The following CNTNAP2 variants were observed in gnomAD, a reference collection of about 807,000 sequenced individuals.
CNTNAP2 encodes the protein contactin-associated protein-like 2.
In CNTNAP2, 98 loss-of-function variants were observed where a neutral mutation model predicts 155.2. The observed-to-expected ratio is 0.63, with a 90% CI of 0.54 to 0.75. The LOEUF is 0.75. Among genes scored for constraint, CNTNAP2 ranks in the 30% least tolerant of loss-of-function variants. The pLI, the probability that CNTNAP2 is intolerant of heterozygous loss-of-function variation, is 0.00. For synonymous variants in CNTNAP2, 651 were observed against 631.2 expected, an observed-to-expected ratio of 1.03 and a Z score of -0.47; for missense variants, 1,727 against 1,688.1, an observed-to-expected ratio of 1.02 and a Z score of -0.40.
intron 1 of CNTNAP2, among the ~76,000 whole-genome samples, chr7:146,316,708 T>G (rs1800912102): frequency 6.6e-6 from 1 of 152,202 alleles, no homozygotes; most frequent in Non-Finnish European, 1.5e-5. Context: ...GTTTTCTATT[T>G]ATAACTGTGT....
chr7:147,080,984 TTAAA>T (rs1197217808), intron 4 of CNTNAP2: 1 of 152,150 alleles, frequency 6.6e-6, no homozygotes, highest in African/African-American at 2.4e-5. Flanking sequence ...AAATATACAC[TTAAA>T]TTTTATTTCA....
At chr7:148,175,506 C>T (rs1250768932) in intron 18 of CNTNAP2, among the ~76,000 whole-genome samples, 1 of 152,104 alleles carries the variant, frequency 6.6e-6, no homozygotes, top group Non-Finnish European at 1.5e-5. Flanking sequence ...TTTAACAATG[C>T]ATTTGTTAAA....
chr7:147,832,576 T>C (rs1388308108), intron 13 of CNTNAP2, among the ~76,000 whole-genome samples: 1 of 145,816 alleles, frequency 6.9e-6, no homozygotes, highest in African/African-American at 2.5e-5. Context: ...TATATTGAAA[T>C]ATATTGAAAT....
chr7:148,230,268 C>A (rs1484702546), intron 20 of CNTNAP2, among the ~76,000 whole-genome samples: 1 of 152,228 alleles, frequency 6.6e-6, no homozygotes, highest in East Asian at 1.9e-4. Flanking sequence ...GAATCTCAGA[C>A]TCTGACTGTG....
intron 11 of CNTNAP2, among the ~76,000 whole-genome samples, chr7:147,498,662 TAGATG>T (rs1798755095): frequency 6.6e-6 from 1 of 152,218 alleles, no homozygotes; most frequent in Non-Finnish European, 1.5e-5. Context: ...TTTATACATA[TAGATG>T]AGATATTGAA....
chr7:146,266,906 T>A (rs1463885535), intron 1 of CNTNAP2, among the ~76,000 whole-genome samples: 1 of 146,802 alleles, frequency 6.8e-6, no homozygotes, highest in Non-Finnish European at 1.5e-5. Flanking sequence ...TTTTTTTTTT[T>A]AGTTGGGTGT....
intron 1 of CNTNAP2, among the ~76,000 whole-genome samples, chr7:146,662,156 G>A (rs1414853945): frequency 6.7e-6 from 1 of 148,884 alleles, no homozygotes; most frequent in Non-Finnish European, 1.5e-5. Context: ...TTTTTTTTTA[G>A]ACGGAGTCTT....
chr7:148,219,975 CTAGGAAATGCACTGTT>C (rs1268427872), intron 19 of CNTNAP2, among the ~76,000 whole-genome samples: 2 of 152,222 alleles, frequency 1.3e-5, no homozygotes, highest in Non-Finnish European at 2.9e-5. Flanking sequence ...AACTCCCTCT[CTAGGAAATGCACTGTT>C]GCTTAAAAAG....
intron 4 of CNTNAP2, among the ~76,000 whole-genome samples, chr7:147,105,788 A>G (rs1444478770): frequency 6.6e-6 from 1 of 152,018 alleles, no homozygotes; most frequent in Non-Finnish European, 1.5e-5. Context: ...AAATATGTTG[A>G]AACTTTTTCT....
At chr7:147,087,713 A>G (rs1483122310) in intron 4 of CNTNAP2, among the ~76,000 whole-genome samples, 1 of 152,302 alleles carries the variant, frequency 6.6e-6, no homozygotes, top group East Asian at 1.9e-4. Flanking sequence ...ATGGTGGCTC[A>G]TGCCTGTAAT....
intron 15 of CNTNAP2, among the ~76,000 whole-genome samples, chr7:148,053,066 C>G (rs1802925564): frequency 6.6e-6 from 1 of 151,720 alleles, no homozygotes; most frequent in South Asian, 2.1e-4. Context: ...AGAAACATCA[C>G]CTAAAAAAAA....
At chr7:147,379,794 T>C (rs1796502953) in intron 9 of CNTNAP2, among the ~76,000 whole-genome samples, 1 of 152,028 alleles carries the variant, frequency 6.6e-6, no homozygotes, top group Non-Finnish European at 1.5e-5. Flanking sequence ...TTTGCACAGG[T>C]CTATTACTTG....
At position 146,616,662 on chromosome 7, in the gene CNTNAP2, C is replaced by T. The variant is rs571008617; in HGVS notation, c.98-157609C>T. Among the ~76,000 whole-genome samples the T allele has an allele frequency of 4.6e-5, 7 of 152,274 alleles. No homozygotes were observed. In the South Asian group the frequency reaches 1.0e-3, roughly 23 times the overall value. On this transcript the variant is annotated intron_variant, in intron 1 of 23. Transcript: ENST00000361727. Reference sequence around the variant, plus strand: ...CTAGTATCTGCATACCTGCTTAATACCCTGTAACATGATTTTGTCTGAAAA... The same window carrying T: ...CTAGTATCTGCATACCTGCTTAATATCCTGTAACATGATTTTGTCTGAAAA...
chr7:147,540,162 G>A (rs993936560), intron 11 of CNTNAP2, among the ~76,000 whole-genome samples: 5 of 152,012 alleles, frequency 3.3e-5, no homozygotes, highest in African/African-American at 9.7e-5. Context: ...TGAAGACCTG[G>A]TCCCTGATTG....
chr7:146,825,614 T>C (rs1803385175), intron 2 of CNTNAP2, among the ~76,000 whole-genome samples: 1 of 152,182 alleles, frequency 6.6e-6, no homozygotes, highest in African/African-American at 2.4e-5. Context: ...TTCAAGTATA[T>C]GAAATTACTA....
rs560802901 is a variant in CNTNAP2, at chr7:148,415,109, G to C, written c.3797-308G>C. ...GAAAAATGTAGGATTCCTCCTTTTTGTTTCTCTGTTCTCAGACATCATGGT... is the reference window on the plus strand; with the variant it reads ...GAAAAATGTAGGATTCCTCCTTTTTCTTTCTCTGTTCTCAGACATCATGGT... On this transcript the variant is annotated intron_variant, in intron 23 of 23. Coordinates refer to ENST00000361727, the MANE Select transcript of CNTNAP2 (RefSeq NM_014141.6). Among the ~76,000 whole-genome samples the C allele has an allele frequency of 4.6e-5, 7 of 152,192 alleles. 1 individual carries two copies. The East Asian group carries it at 1.2e-3, about 25-fold the overall frequency.
At chr7:147,922,932 T>G (rs995655127) in intron 14 of CNTNAP2, among the ~76,000 whole-genome samples, 1 of 151,586 alleles carries the variant, frequency 6.6e-6, no homozygotes, top group African/African-American at 2.4e-5. Flanking sequence ...AAAACACTCT[T>G]AATGACACCT....
chr7:146,616,363 T>G (rs10952648), intron 1 of CNTNAP2, among the ~76,000 whole-genome samples: 73,729 of 151,590 alleles, frequency 0.49, 18,506 homozygotes, highest in South Asian at 0.59. Context: ...GATGAATGAA[T>G]AAATAAAAAA....
At chr7:146,718,561 TGAAA>T (rs1801231445) in intron 1 of CNTNAP2, among the ~76,000 whole-genome samples, 1 of 152,182 alleles carries the variant, frequency 6.6e-6, no homozygotes, top group East Asian at 1.9e-4. Context: ...TAAAGAGCAA[TGAAA>T]TGATTAAAAA....
Sources: gnomAD v4.1 joint callset for allele counts (sites outside exome capture counted in the v4.1 genomes callset) on GRCh38, gnomAD v4.1.1 for gene constraint, MANE v1.5 for transcripts, NCBI Gene and HGNC (gene_info 2026-07-23, HGNC 2026-07-21) for gene names.